Variants in NUP188 observed in about 807,000 individuals in gnomAD.
NUP188 encodes nucleoporin 188, also known as nucleoporin NUP188.
Under a neutral mutation model 223.0 loss-of-function variants are expected in NUP188, and 97 were observed. The ratio of observed to expected loss-of-function variants is 0.43; its 90% CI spans 0.37 to 0.51. The LOEUF (loss-of-function observed/expected upper bound fraction) is 0.51. NUP188 is among the 20% of genes least tolerant of loss of function. The pLI, the probability that NUP188 is intolerant of heterozygous loss-of-function variation, is 0.00. For synonymous variants in NUP188, 869 were observed against 828.0 expected (o/e 1.05, Z -0.85); for missense variants, 1,947 against 2,175.6 (o/e 0.89, Z 2.09).
chr9:128,973,324 G>T, intron 12 of NUP188, 75 bp downstream of exon 12: 1 of 915,606 alleles, frequency 1.1e-6, no homozygotes, highest in Non-Finnish European at 1.8e-6. Flanking sequence ...TACCCCCATT[G>T]GATCTGATAT....
chr9:128,960,015 A>G (rs540341027), intron 8 of NUP188, among the ~76,000 whole-genome samples: 48 of 135,428 alleles, frequency 3.5e-4, no homozygotes, highest in African/African-American at 1.3e-3. Flanking sequence ...ATATCATCTT[A>G]TTATTTTCTG....
chr9:128,956,199 G>GTT (rs1841867421), intron 3 of NUP188, 151 bp from the exon 4 acceptor site: 1 of 459,338 alleles, frequency 2.2e-6, no homozygotes, highest in Non-Finnish European at 3.8e-6. Context: ...GTGTGTGTGT[G>GTT]TGTGTGTGTG....
intron 25 of NUP188, among the ~76,000 whole-genome samples, chr9:128,991,093 T>G (rs1448108012): frequency 6.6e-6 from 1 of 151,720 alleles, no homozygotes; most frequent in Non-Finnish European, 1.5e-5. Flanking sequence ...AACAGAAAGT[T>G]AAGATGCCCT....
rs2131130261 is a variant in NUP188 at position 128,947,705 on chromosome 9, A to C, written c.-15A>C. The C allele has an allele frequency of 1.4e-6, 2 of 1,461,872 alleles. No individual in the cohort carries two copies. The highest frequency in any genetic ancestry group is 1.8e-6 in the Non-Finnish European group (2 of 1,109,112). The allele number at this position is 1,461,872 out of a possible 1,614,324, so 90.6% of individuals were successfully genotyped here. ...GGCGTCTGGGGGCGGGGTTAGGGCG[A>C]GCGGGCGCGCGAAGATGGCGGCGGC... On this transcript the variant is annotated 5_prime_UTR_variant, in exon 1 of 44. Transcript: ENST00000372577.
rs1253049381 is a variant in NUP188, at chr9:129,006,767, C to T, written c.*89C>T. On this transcript the variant is annotated 3_prime_UTR_variant, in exon 44 of 44. Transcript: ENST00000372577. Reference sequence around the variant, plus strand: ...GTGCTGCTGGCTGCTAGGGCCTATACAATGGAGGGCACCTCCTGTCACCCC... The same window carrying T: ...GTGCTGCTGGCTGCTAGGGCCTATATAATGGAGGGCACCTCCTGTCACCCC... 3 of 1,362,506 alleles carry T rather than the reference C, an allele frequency of 2.2e-6. No individual in the cohort carries two copies. Among genetic ancestry groups the T allele is most frequent in the African/African-American group, 1.5e-5 (1 of 68,704 alleles). The allele number at this position is 1,362,506 out of a possible 1,614,324, so 84.4% of individuals were successfully genotyped here. A position where few individuals can be genotyped will look rare whatever the true frequency, so the allele number is the denominator to read the frequency against.
intron 2 of NUP188, among the ~76,000 whole-genome samples, chr9:128,950,296 A>G (rs569061588): frequency 2.9e-4 from 44 of 152,150 alleles, no homozygotes; most frequent in African/African-American, 9.9e-4. Flanking sequence ...ATCTTGGCTC[A>G]CTGCAACCTC....
rs1364155086 is a variant in NUP188, at chr9:128,993,525, G to C, written c.2848G>C (p.Glu950Gln). Residue 950 changes from glutamate (E) to glutamine (Q), a missense_variant and splice_region_variant, in exon 27 of 44, where the codon GAA becomes CAA. Physicochemically the swap from Glu to Gln is conservative, Grantham distance 29 (BLOSUM62 2). Transcript: ENST00000372577. ...AACTCTTACCTGTCCCTTCTTGCAGGAATTCAGCCTTGGGATGTGGAGCTG... is the reference window on the plus strand; with the variant it reads ...AACTCTTACCTGTCCCTTCTTGCAGCAATTCAGCCTTGGGATGTGGAGCTG... ...EVKDGSDGSK[E>Q]FSLGMWSCLH... 1 of 1,614,042 alleles carries C rather than the reference G, an allele frequency of 6.2e-7. No homozygotes were observed. The highest frequency in any genetic ancestry group is 8.5e-7 in the Non-Finnish European group (1 of 1,180,024).
At position 129,006,050 on chromosome 9, in the gene NUP188, C is replaced by G. The variant is rs750009812; in HGVS notation, c.4870C>G (p.Leu1624Val). Reference sequence around the variant, plus strand: ...GTTTTTTACCCTTGCTTCTCTTCAGCTGGACAAGAAAAAGGAGCCCCTCAC... The same window carrying G: ...GTTTTTTACCCTTGCTTCTCTTCAGGTGGACAAGAAAAAGGAGCCCCTCAC... The part of the protein sequence containing the change: ...VNVALNMLGE[L>V]DKKKEPLTQA... Residue 1624 changes from leucine (L) to valine (V), a missense_variant and splice_region_variant, in exon 42 of 44, where the codon CTG becomes GTG. Physicochemically the swap from Leu to Val is conservative, Grantham distance 32 (BLOSUM62 1). Around this residue, in one of 3 missense-constraint regions of NUP188, gnomAD observed 905 missense variants for 990.6 expected, o/e 0.91. Transcript: ENST00000372577. 5 of 1,614,064 alleles carry G rather than the reference C, an allele frequency of 3.1e-6. No homozygotes were observed. Among genetic ancestry groups the G allele is most frequent in the Non-Finnish European group, 2.5e-6 (3 of 1,180,026 alleles).
chr9:128,998,560 A>G lies in NUP188; in HGVS notation c.3452A>G (p.Asn1151Ser). 7 of 1,614,150 alleles carry G rather than the reference A, an allele frequency of 4.3e-6. No individual in the cohort carries two copies. Among genetic ancestry groups the G allele is most frequent in the Non-Finnish European group, 5.9e-6 (7 of 1,180,016 alleles). The change falls in exon 32 of 44, where the codon AAC becomes AGC. Residue 1151 changes from asparagine (N) to serine (S), a missense_variant. Coordinates refer to ENST00000372577, the MANE Select transcript of NUP188 (RefSeq NM_015354.3). Reference protein sequence around the residue: ...KALLLVPASVNCLRLGSMKCT... With the variant: ...KALLLVPASVSCLRLGSMKCT... ...CAGCTCCTAGTTCCAGCCTCAGTGA[A>G]CTGCCTTCGCCTTGGCTCCATGAAG...
chr9:128,977,675 T>C (rs897736646), intron 12 of NUP188, among the ~76,000 whole-genome samples: 1 of 152,022 alleles, frequency 6.6e-6, no homozygotes, highest in Admixed American at 6.6e-5. Context: ...GGTGGGCACC[T>C]ATAATCCCAG....
intron 24 of NUP188, 51 bp from the exon 25 acceptor site, chr9:128,990,069 G>T (rs376274433): frequency 7.3e-7 from 1 of 1,362,788 alleles, no homozygotes; most frequent in East Asian, 2.3e-5. Context: ...GTGCTCTAAG[G>T]ACTTGAATTA....
chr9:128,999,583 C>G (rs765227692), intron 33 of NUP188, 41 bp from the exon 34 acceptor site: 3 of 1,590,114 alleles, frequency 1.9e-6, no homozygotes, highest in Non-Finnish European at 2.6e-6. Flanking sequence ...TGAGAGTTGG[C>G]CTGGTGAGCA....
At chr9:129,001,497 TC>T in intron 34 of NUP188, 31 bp from the exon 35 acceptor site, 2 of 1,598,736 alleles carry the variant, frequency 1.3e-6, no homozygotes, top group Non-Finnish European at 8.6e-7. Flanking sequence ...CTCTTCTTCT[TC>T]CCCCTTTTAC....
At chr9:128,991,691 A>C (rs1842434582) in intron 25 of NUP188, among the ~76,000 whole-genome samples, 1 of 147,416 alleles carries the variant, frequency 6.8e-6, no homozygotes, top group Non-Finnish European at 1.5e-5. Flanking sequence ...AAATACAAAA[A>C]AATTAGCCGG....
At chr9:128,999,547 C>CCTAGGAAGGGGCTGGAGATGTA in intron 33 of NUP188, 77 bp from the exon 34 acceptor site, 1 of 1,467,058 alleles carries the variant, frequency 6.8e-7, no homozygotes, top group Non-Finnish European at 9.4e-7. Context: ...CCAGCCCCTT[C>CCTAGGAAGGGGCTGGAGATGTA]CTAGGAAGGA....
chr9:128,963,402 C>A (rs1037787249), intron 8 of NUP188, among the ~76,000 whole-genome samples: 3 of 151,676 alleles, frequency 2.0e-5, no homozygotes. Context: ...TGTCCTGCCT[C>A]AGCCTCCTGA....
intron 24 of NUP188, 61 bp from the exon 25 acceptor site, chr9:128,990,059 G>C (rs961140224): frequency 7.8e-7 from 1 of 1,284,990 alleles, no homozygotes; most frequent in South Asian, 1.2e-5. Context: ...TGAACAGTCA[G>C]TGCTCTAAGG....
chr9:128,989,413 A>G (rs1424153208), intron 24 of NUP188, among the ~76,000 whole-genome samples: 1 of 152,086 alleles, frequency 6.6e-6, no homozygotes, highest in Non-Finnish European at 1.5e-5. Context: ...AAAAGAAAAA[A>G]AGATAGGCTG....
intron 12 of NUP188, among the ~76,000 whole-genome samples, chr9:128,976,952 C>T (rs17485527): frequency 0.033 from 5,005 of 151,928 alleles, 275 homozygotes; most frequent in African/African-American, 0.11. Flanking sequence ...GTGGCGCGCA[C>T]GTGTAGTCCC....
Sources: allele counts gnomAD v4.1 joint callset (sites outside exome capture counted in the v4.1 genomes callset), GRCh38; gene constraint gnomAD v4.1.1; regional missense constraint gnomAD v4.1.1; transcripts MANE v1.5; gene names NCBI Gene and HGNC (gene_info 2026-07-23, HGNC 2026-07-21).